KMT5B: variants seen among roughly 807,000 people sequenced by gnomAD.
The protein encoded by KMT5B is lysine methyltransferase 5B, also known as histone-lysine N-methyltransferase KMT5B.
Under a neutral mutation model 83.2 loss-of-function variants are expected in KMT5B, and 10 were observed. The ratio of observed to expected loss-of-function variants is 0.12; its 90% confidence interval spans 0.07 to 0.20. KMT5B has a LOEUF of 0.20. Among genes scored for constraint, KMT5B ranks in the 10% least tolerant of loss-of-function variants. The pLI, the probability that KMT5B is intolerant of heterozygous loss-of-function variation, is 1.00. For missense variants in KMT5B, 753 were observed against 1,067.2 expected (o/e 0.71, Z 4.10); for synonymous variants, 349 against 388.8 (o/e 0.90, Z 1.20).
chr11:68,208,088 C>G (rs75480561), intron 1 of KMT5B, among the ~76,000 whole-genome samples: 14,805 of 150,096 alleles, frequency 0.099, 802 homozygotes, highest in East Asian at 0.23. Context: ...TCACCTGTCT[C>G]GGCCTCCCAA....
At chr11:68,209,950 T>A (rs901926840) in intron 1 of KMT5B, among the ~76,000 whole-genome samples, 3 of 150,594 alleles carry the variant, frequency 2.0e-5, no homozygotes, top group Non-Finnish European at 4.4e-5. Flanking sequence ...CACTGCAACC[T>A]CCAACTCCCG....
At chr11:68,196,638 G>C (rs897683075) in intron 1 of KMT5B, among the ~76,000 whole-genome samples, 3 of 151,652 alleles carry the variant, frequency 2.0e-5, no homozygotes, top group African/African-American at 7.3e-5. Flanking sequence ...GTGTAAGGGG[G>C]TGAGAGAAGC....
chr11:68,158,728 G>A lies in KMT5B; in HGVS notation c.1618C>T (p.Arg540Trp), dbSNP rs769344868. Residue 540 changes from arginine (R) to tryptophan (W), a missense_variant, in exon 11 of 11, where the codon CGG becomes TGG. Arg to Trp is a moderately radical substitution (Grantham distance 101, BLOSUM62 -3). Transcript: ENST00000304363. Reference protein sequence around the residue: ...ESSPCTYITRRSVRTRTNLKE... With the variant: ...ESSPCTYITRWSVRTRTNLKE... ...AGATTTGTTCTTGTCCTCACTGACC[G>A]CCGAGTTATGTAGGTGCAGGGCGAG... The A allele has an allele frequency of 6.2e-6, 10 of 1,613,958 alleles. No homozygotes were observed. Among genetic ancestry groups the A allele is most frequent in the African/African-American group, 2.7e-5 (2 of 74,882 alleles).
At chr11:68,208,130 C>T (rs1860396935) in intron 1 of KMT5B, among the ~76,000 whole-genome samples, 1 of 150,966 alleles carries the variant, frequency 6.6e-6, no homozygotes, top group African/African-American at 2.4e-5. Flanking sequence ...AGCCATCACG[C>T]CTGGCCCCAA....
chr11:68,160,441 G>C lies in KMT5B; in HGVS notation c.1175-1270C>G, dbSNP rs116432993. ...AAACACTCCATTTACAGATTCACTA[G>C]AGAAGCCACGATAACAAAACGAATC... On this transcript the variant is annotated intron_variant, in intron 10 of 10. Coordinates refer to ENST00000304363, the MANE Select transcript of KMT5B (RefSeq NM_017635.5). Among the ~76,000 whole-genome samples the C allele has an allele frequency of 9.6e-3, 1,466 of 152,252 alleles. 19 individuals are homozygous for C. Among genetic ancestry groups the C allele is most frequent in the African/African-American group, 0.033 (1,390 of 41,528 alleles).
At position 68,171,870 on chromosome 11, in the gene KMT5B, T is replaced by C. The variant is rs1259841590; in HGVS notation, c.654-161A>G. On this transcript the variant is annotated intron_variant, in intron 6 of 10. Transcript: ENST00000304363. The surrounding 1 kb of genome is among the most constrained non-coding windows in gnomAD (Gnocchi z 5.1). Reference sequence around the variant, plus strand: ...ATCCCCACCTGGCTATCTTCTCTCCTACCCTGGAGCTCCACAGCCTTGTGC... The same window carrying C: ...ATCCCCACCTGGCTATCTTCTCTCCCACCCTGGAGCTCCACAGCCTTGTGC... Among the ~76,000 whole-genome samples, 2 of 152,206 alleles carry C rather than the reference T, an allele frequency of 1.3e-5. No homozygotes were observed. The highest frequency in any genetic ancestry group is 2.9e-5 in the Non-Finnish European group (2 of 68,040).
intron 6 of KMT5B, among the ~76,000 whole-genome samples, chr11:68,172,490 C>T (rs1855934040): frequency 6.6e-6 from 1 of 152,056 alleles, no homozygotes; most frequent in South Asian, 2.1e-4. Flanking sequence ...CCACCTCAGC[C>T]TCCCAAAGTG....
intron 2 of KMT5B, among the ~76,000 whole-genome samples, chr11:68,188,324 C>T (rs907631664): frequency 4.0e-5 from 6 of 151,268 alleles, no homozygotes; most frequent in African/African-American, 9.7e-5. Context: ...ACGCCCGGCC[C>T]GTAATGGCCA....
At chr11:68,162,581 G>A (rs563993524) in intron 10 of KMT5B, among the ~76,000 whole-genome samples, 3 of 152,206 alleles carry the variant, frequency 2.0e-5, no homozygotes, top group African/African-American at 7.2e-5. Flanking sequence ...TCACCCGTTG[G>A]ATGACTCCCA....
At chr11:68,167,726 G>A (rs753970381) in intron 9 of KMT5B, among the ~76,000 whole-genome samples, 7 of 152,066 alleles carry the variant, frequency 4.6e-5, no homozygotes, top group Admixed American at 1.3e-4. Context: ...CCAAAGTGCT[G>A]GATTTACAGG....
At chr11:68,213,484 C>A, upstream of KMT5B, 1 of 149,910 alleles carries the variant, frequency 6.7e-6, no homozygotes, top group South Asian at 1.8e-4. Context: ...CACCTCGCCT[C>A]GCGCACGGCC....
chr11:68,168,481 G>A (rs139171956), intron 9 of KMT5B, among the ~76,000 whole-genome samples: 171 of 151,988 alleles, frequency 1.1e-3, no homozygotes, highest in African/African-American at 4.1e-3. Context: ...AATTATAGGC[G>A]CGCACCACCA....
chr11:68,189,114 C>G (rs1857758204), intron 2 of KMT5B, among the ~76,000 whole-genome samples: 1 of 152,192 alleles, frequency 6.6e-6, no homozygotes. Context: ...CCAGGCTAAT[C>G]CAAATCCCTG....
chr11:68,158,072 A>T lies in KMT5B; in HGVS notation c.2274T>A (p.Tyr758Ter). Residue 758 changes from tyrosine to a stop codon, truncating the protein, a stop_gained, in exon 11 of 11, where the codon TAT becomes TAA. Transcript: ENST00000304363. LOFTEE classifies it high-confidence loss of function. ...SKDHDNDNNL[Y>*]VAKLNNGFNS... ...TAAATCCATTATTAAGCTTTGCTAC[A>T]TAGAGATTGTTATCGTTGTCATGGT... The T allele has an allele frequency of 6.2e-7, 1 of 1,614,220 alleles. No homozygotes were observed. The highest frequency in any genetic ancestry group is 8.5e-7 in the Non-Finnish European group (1 of 1,180,036).
At chr11:68,191,029 C>T (rs991674572) in intron 1 of KMT5B, among the ~76,000 whole-genome samples, 2 of 152,200 alleles carry the variant, frequency 1.3e-5, no homozygotes, top group African/African-American at 2.4e-5. Context: ...GACAGTCTCA[C>T]TCTATGGCCC....
At chr11:68,175,719 CTTT>C (rs1565230583) in intron 4 of KMT5B, among the ~76,000 whole-genome samples, 1 of 152,134 alleles carries the variant, frequency 6.6e-6, no homozygotes, top group Non-Finnish European at 1.5e-5. Context: ...CAAAAACATT[CTTT>C]ATGTACACAG....
At chr11:68,203,263 C>T (rs962739819) in intron 1 of KMT5B, among the ~76,000 whole-genome samples, 1 of 152,186 alleles carries the variant, frequency 6.6e-6, no homozygotes, top group Non-Finnish European at 1.5e-5. Context: ...CGTGAGGCAC[C>T]GCACCCGGCC....
intron 3 of KMT5B, 123 bp from the exon 4 acceptor site, chr11:68,180,323 AG>A: frequency 7.5e-7 from 1 of 1,325,664 alleles, no homozygotes; most frequent in Non-Finnish European, 1.0e-6. Context: ...GTGATAATCA[AG>A]AACTTTAAGA....
Position 68,157,622 on chromosome 11 carries a change from G to A in KMT5B, c.*66C>T, listed in dbSNP as rs1859393429. 8.7e-6 allele frequency: 13 copies of A among 1,489,810 alleles called. No homozygotes were observed. Among genetic ancestry groups the A allele is most frequent in the Non-Finnish European group, 9.8e-6 (11 of 1,125,214 alleles). The allele number at this position is 1,489,810 out of a possible 1,614,324, so 92.3% of individuals were successfully genotyped here. Reference sequence around the variant, plus strand: ...TGCTGCCACTAAACTTTCAGTTGAGGAATAATTGACTGGAATTTTTTATTT... The same window carrying A: ...TGCTGCCACTAAACTTTCAGTTGAGAAATAATTGACTGGAATTTTTTATTT... On this transcript the variant is annotated 3_prime_UTR_variant, in exon 11 of 11. Transcript: ENST00000304363.
Sources: allele counts gnomAD v4.1 joint callset (sites outside exome capture counted in the v4.1 genomes callset), GRCh38; gene constraint gnomAD v4.1.1; non-coding constraint Gnocchi (gnomAD v3.1); transcripts MANE v1.5; gene names NCBI Gene and HGNC (gene_info 2026-07-23, HGNC 2026-07-21).